The following CCT8 variants were observed in gnomAD, a reference collection of about 807,000 sequenced individuals.
CCT8 encodes the protein T-complex protein 1 subunit theta.
Under a neutral mutation model 65.7 loss-of-function variants are expected in CCT8, and 10 were observed. The observed-to-expected ratio is 0.15, with a 90% CI of 0.09 to 0.26. CCT8 has a LOEUF of 0.26. Ranked by LOEUF, CCT8 falls within the 10% of genes least tolerant of loss-of-function variation. The pLI is 1.00. For synonymous variants in CCT8, 199 were observed against 221.8 expected (o/e 0.90, Z 0.92); for missense variants, 568 against 669.1 (o/e 0.85, Z 1.67).
chr21:29,060,877 G>C (rs933713630), intron 13 of CCT8, among the ~76,000 whole-genome samples: 1 of 152,092 alleles, frequency 6.6e-6, no homozygotes, highest in Non-Finnish European at 1.5e-5. Context: ...AAAATGGCAT[G>C]GTGTTTGGAT....
Position 29,073,569 on chromosome 21 carries a change from C to A in CCT8, c.22G>T (p.Ala8Ser). 3 of 1,614,152 alleles carry A rather than the reference C, an allele frequency of 1.9e-6. No homozygotes were observed. Among genetic ancestry groups the A allele is most frequent in the Non-Finnish European group, 1.7e-6 (2 of 1,180,026 alleles). Residue 8 changes from alanine (A) to serine (S), a missense_variant, in exon 1 of 15, where the codon GCT becomes TCT. Ala to Ser is a moderately conservative substitution (Grantham distance 99, BLOSUM62 1). Transcript: ENST00000286788. Reference protein sequence around the residue: MALHVPKAPGFAQMLKEG... With the variant: MALHVPKSPGFAQMLKEG... Reference sequence around the variant, plus strand: ...TTGAGCATCTGGGCAAAGCCCGGAGCCTTGGGAACGTGAAGCGCCATGGCC... The same window carrying A: ...TTGAGCATCTGGGCAAAGCCCGGAGACTTGGGAACGTGAAGCGCCATGGCC...
At position 29,062,115 on chromosome 21, in the gene CCT8, T is replaced by A. The variant is rs1397232010; in HGVS notation, c.1212+13A>T. 2 of 1,525,358 alleles carry A rather than the reference T, an allele frequency of 1.3e-6. No homozygotes were observed. The highest frequency in any genetic ancestry group is 1.8e-6 in the Non-Finnish European group (2 of 1,100,892). 94.5% of individuals were successfully genotyped at this position (1,525,358 alleles called of 1,614,324 possible). A position where few individuals can be genotyped will look rare whatever the true frequency, so the allele number is the denominator to read the frequency against. ...AGACCTTACAAACTACTAAGAATAT[T>A]GCTGATACTGACCCTTGTAAGAACT... On this transcript the variant is annotated intron_variant, in intron 11 of 14. Transcript: ENST00000286788.
At chr21:29,070,053 T>A in intron 2 of CCT8, among the ~76,000 whole-genome samples, 194 bp downstream of exon 2, 1 of 152,184 alleles carries the variant, frequency 6.6e-6, no homozygotes, top group East Asian at 1.9e-4. Context: ...AAGTAATATA[T>A]TGACCCCCAT....
intron 4 of CCT8, 50 bp from the exon 5 acceptor site, chr21:29,067,121 T>C (rs755027741): frequency 7.1e-7 from 1 of 1,406,152 alleles, no homozygotes; most frequent in Non-Finnish European, 9.7e-7. Context: ...AAGTAGCTTA[T>C]TTTGGTAACC....
chr21:29,060,275 C>T (rs1432439700), intron 14 of CCT8, among the ~76,000 whole-genome samples: 2 of 151,896 alleles, frequency 1.3e-5, no homozygotes, highest in African/African-American at 4.8e-5. Context: ...ATGGTCCTTC[C>T]AAATTCCATG....
At position 29,056,464 on chromosome 21, in the gene CCT8, T is replaced by C. The variant is rs962268813; in HGVS notation, c.*11A>G. The C allele has an allele frequency of 8.8e-6, 13 of 1,478,712 alleles. No individual in the cohort carries two copies. Among genetic ancestry groups the C allele is most frequent in the Admixed American group, 2.3e-5 (1 of 44,308 alleles). 91.6% of individuals were successfully genotyped at this position (1,478,712 alleles called of 1,614,324 possible). On this transcript the variant is annotated 3_prime_UTR_variant, in exon 15 of 15. Coordinates refer to ENST00000286788, the MANE Select transcript of CCT8 (RefSeq NM_006585.4). ...ATACAGCCTTCACCTACAGTAAAAA[T>C]TAAGCCAATTTCAATCATTTTGGTC...
In CCT8 at chr21:29,071,908, C is replaced by T. The variant is rs56983145; in HGVS notation, c.61-1571G>A. ...CAAATCCCTTTTCAAGGAAACAAGG[C>T]CCTACGTATCCCGGCCCTTGTATGG... On this transcript the variant is annotated intron_variant, in intron 1 of 14. Transcript: ENST00000286788. The T allele has an allele frequency of 2.7e-3, 1,926 of 700,780 alleles. 19 individuals carry two copies. In the African/African-American group the frequency reaches 0.029, roughly 11 times the overall value. The allele number at this position is 700,780 out of a possible 1,614,324, so 43.4% of individuals were successfully genotyped here. A position where few individuals can be genotyped will look rare whatever the true frequency, so the allele number is the denominator to read the frequency against.
intron 7 of CCT8, among the ~76,000 whole-genome samples, chr21:29,063,748 T>C (rs770928919): frequency 1.3e-5 from 2 of 152,182 alleles, no homozygotes; most frequent in Admixed American, 6.5e-5. Context: ...TTTTGATAAG[T>C]ACTTAGGTGG....
At chr21:29,071,860 CCCAA>C in intron 1 of CCT8, 1 of 685,846 alleles carries the variant, frequency 1.5e-6, no homozygotes, top group Non-Finnish European at 2.6e-6. Context: ...TCAATGGTTT[CCCAA>C]CCAGCTTAGG....
Position 29,073,522 on chromosome 21 carries a change from A to G in CCT8, c.60+9T>C. 6.2e-7 allele frequency: 1 copy of G among 1,614,038 alleles called. No individual in the cohort carries two copies. Among genetic ancestry groups the G allele is most frequent in the Non-Finnish European group, 8.5e-7 (1 of 1,179,966 alleles). ...CGCTCCCACCTCATTCCTTTCCTTC[A>G]GCCCTTACTTTCGCTCCCTCCTTGA... On this transcript the variant is annotated intron_variant, in intron 1 of 14. Transcript: ENST00000286788.
intron 2 of CCT8, 66 bp downstream of exon 2, chr21:29,070,181 C>T (rs2085665700): frequency 1.0e-6 from 1 of 965,244 alleles, no homozygotes; most frequent in Non-Finnish European, 1.6e-6. Flanking sequence ...CAGAACAAGT[C>T]TGAAAGAAGA....
intron 14 of CCT8, chr21:29,059,567 T>C (rs977340283): frequency 6.6e-6 from 1 of 152,248 alleles, no homozygotes; most frequent in Non-Finnish European, 1.5e-5. Context: ...CTTTTATTCT[T>C]AGCCACATTC....
intron 3 of CCT8, 104 bp downstream of exon 3, chr21:29,069,319 A>T: frequency 1.7e-6 from 1 of 578,366 alleles, no homozygotes; most frequent in East Asian, 3.0e-5. Flanking sequence ...AAGCTGGAAA[A>T]ATAGTCCCTT....
At chr21:29,068,677 C>G (rs1177153558) in intron 3 of CCT8, among the ~76,000 whole-genome samples, 1 of 152,136 alleles carries the variant, frequency 6.6e-6, no homozygotes, top group Non-Finnish European at 1.5e-5. Context: ...GTTGGCCAGG[C>G]TAGTCTCAAA....
intron 12 of CCT8, 37 bp downstream of exon 12, chr21:29,061,459 A>G: frequency 6.8e-6 from 11 of 1,613,716 alleles, no homozygotes; most frequent in Non-Finnish European, 9.3e-6. Flanking sequence ...TATTCAAGCA[A>G]TGGAAAGAAA....
rs1480314942 is a variant in CCT8 at position 29,073,268 on chromosome 21, T to G, written c.60+263A>C. On this transcript the variant is annotated intron_variant, in intron 1 of 14. Coordinates refer to ENST00000286788, the MANE Select transcript of CCT8 (RefSeq NM_006585.4). The stretch of plus-strand genomic sequence containing the variant: ...ATGGAGGCAAAACGCACGCGCGGCT[T>G]CACATCCGTCCACCTTCAAGGTGTA... 3 of 1,294,848 alleles carry G rather than the reference T, an allele frequency of 2.3e-6. No homozygotes were observed. The East Asian group carries it at 9.5e-5, about 41-fold the overall frequency. The allele number at this position is 1,294,848 out of a possible 1,614,324, so 80.2% of individuals were successfully genotyped here. A position where few individuals can be genotyped will look rare whatever the true frequency, so the allele number is the denominator to read the frequency against.
chr21:29,061,193 T>A, intron 13 of CCT8, 60 bp downstream of exon 13: 2 of 1,281,628 alleles, frequency 1.6e-6, no homozygotes, highest in Non-Finnish European at 1.1e-6. Flanking sequence ...AAACTCATAC[T>A]ATTTTTAGGT....
chr21:29,071,963 T>C, intron 1 of CCT8: 1 of 702,452 alleles, frequency 1.4e-6, no homozygotes, highest in Non-Finnish European at 2.6e-6. Context: ...ATTCTTCCTT[T>C]CTTTGGTAAG....
At chr21:29,063,325 T>TA (rs200482519) in intron 8 of CCT8, 27 bp downstream of exon 8, 26,804 of 1,084,096 alleles carry the variant, frequency 0.025, 3 homozygotes, top group Non-Finnish European at 0.028. Context: ...ATGATATAGG[T>TA]AAAAAAAAAA....
Sources: gnomAD v4.1 joint callset for allele counts (sites outside exome capture counted in the v4.1 genomes callset) on GRCh38, gnomAD v4.1.1 for gene constraint, MANE v1.5 for transcripts, NCBI Gene and HGNC (gene_info 2026-07-23, HGNC 2026-07-21) for gene names.